The following POGLUT2 variants were observed in gnomAD, a reference collection of about 807,000 sequenced individuals.
POGLUT2 encodes protein O-glucosyltransferase 2.
POGLUT2 carries 47 observed loss-of-function variants against 57.6 expected under a neutral mutation model. The observed-to-expected ratio is 0.82, with a 90% CI of 0.65 to 1.04. The LOEUF (loss-of-function observed/expected upper bound fraction) is 1.04. Among genes scored for constraint, POGLUT2 ranks in the 50% least tolerant of loss-of-function variants. The pLI is 0.00. For synonymous variants in POGLUT2, 200 were observed against 218.8 expected (o/e 0.91, Z 0.76); for missense variants, 565 against 614.8 (o/e 0.92, Z 0.86).
intron 2 of POGLUT2, among the ~76,000 whole-genome samples, chr13:102,794,954 TTATTA>T (rs1370079403): frequency 6.7e-6 from 1 of 148,646 alleles, no homozygotes; most frequent in East Asian, 2.0e-4. Context: ...TTTTTAAGAA[TTATTA>T]AGGAGGAAAA....
At chr13:102,787,185 T>C (rs1877980960) in intron 8 of POGLUT2, among the ~76,000 whole-genome samples, 2 of 152,054 alleles carry the variant, frequency 1.3e-5, no homozygotes, top group Admixed American at 1.3e-4. Flanking sequence ...TAGCTGGGAT[T>C]ATAGGTGTGC....
At chr13:102,787,056 A>AT (rs1877975753) in intron 8 of POGLUT2, among the ~76,000 whole-genome samples, 1 of 146,168 alleles carries the variant, frequency 6.8e-6, no homozygotes. Context: ...TTGTTTGTTT[A>AT]TTTTTTTGAG....
At chr13:102,787,536 A>T (rs1251454280) in intron 8 of POGLUT2, among the ~76,000 whole-genome samples, 1 of 152,252 alleles carries the variant, frequency 6.6e-6, no homozygotes, top group Non-Finnish European at 1.5e-5. Context: ...TAACACAAAG[A>T]GAACATACAA....
intron 9 of POGLUT2, among the ~76,000 whole-genome samples, chr13:102,785,972 G>A (rs1480019008): frequency 2.0e-5 from 3 of 152,172 alleles, no homozygotes; most frequent in African/African-American, 4.8e-5. Context: ...AATAGGGTGT[G>A]AGCTGGATTC....
chr13:102,786,432 T>A, intron 8 of POGLUT2, 93 bp from the exon 9 acceptor site: 1 of 837,484 alleles, frequency 1.2e-6, no homozygotes, highest in Non-Finnish European at 2.0e-6. Flanking sequence ...ATGATTCATT[T>A]AACTCATGTG....
In POGLUT2 at chr13:102,793,333, A is replaced by G; in HGVS notation, c.672+8T>C. The G allele has an allele frequency of 7.0e-7, 1 of 1,434,460 alleles. No homozygotes were observed. 88.9% of individuals were successfully genotyped at this position (1,434,460 alleles called of 1,614,324 possible). On this transcript the variant is annotated splice_region_variant and intron_variant, in intron 4 of 9. Coordinates refer to ENST00000376004, the MANE Select transcript of POGLUT2 (RefSeq NM_024089.3). ...ATCTATTACAGCTAAGAGAAAATAT[A>G]TACTTACCTTTCTAGTCAAAGAAAG...
rs771056549 is a variant in POGLUT2 at position 102,796,802 on chromosome 13, A to G, written c.388+2T>C. 1.3e-6 allele frequency: 2 copies of G among 1,513,526 alleles called. No homozygotes were observed. Among genetic ancestry groups the G allele is most frequent in the Admixed American group, 3.4e-5 (2 of 59,362 alleles). 93.8% of individuals were successfully genotyped at this position (1,513,526 alleles called of 1,614,324 possible). ...CTGTTATAAAATTATATTCCAAATT[A>G]CCTTTTAAAATATATGGGGATTTGG... On this transcript the variant is annotated splice_donor_variant, in intron 2 of 9. Transcript: ENST00000376004. LOFTEE classifies it high-confidence loss of function.
chr13:102,788,767 C>T (rs1251406211), intron 7 of POGLUT2, among the ~76,000 whole-genome samples: 2 of 152,108 alleles, frequency 1.3e-5, no homozygotes, highest in African/African-American at 4.8e-5. Context: ...ATTACAGGCA[C>T]GAGCCACCGC....
chr13:102,787,837 GA>G lies in POGLUT2; in HGVS notation c.1379del (p.Phe460SerfsTer9). 1 of 1,539,142 alleles carries G rather than the reference GA, an allele frequency of 6.5e-7. No individual in the cohort carries two copies. The highest frequency in any genetic ancestry group is 8.9e-7 in the Non-Finnish European group (1 of 1,127,946). On this transcript the variant is annotated frameshift_variant, in exon 8 of 10. Transcript: ENST00000376004. LOFTEE classifies it high-confidence loss of function. ...DDIFCYYFKL[F>X]QEYANLQVSE... is the part of the protein sequence containing the mutation. ...GATTTTCTTGGAAAATACTGACCTG[GA>G]AAAGTTTGAAATAATAACAGAATAT... is the stretch of plus-strand genomic sequence containing the variant.
intron 2 of POGLUT2, among the ~76,000 whole-genome samples, chr13:102,796,300 AAAAAAAAAAAAAT>A (rs1209967733): frequency 7.2e-6 from 1 of 139,120 alleles, no homozygotes; most frequent in African/African-American, 2.9e-5. Context: ...CCTCAAAAAA[AAAAAAAAAAAAAT>A]AAATAAATAA....
At chr13:102,790,640 C>T (rs567599153) in intron 6 of POGLUT2, among the ~76,000 whole-genome samples, 1 of 152,302 alleles carries the variant, frequency 6.6e-6, no homozygotes, top group African/African-American at 2.4e-5. Context: ...ATGTGCTTAT[C>T]TCAAGGGTTA....
In POGLUT2 at chr13:102,787,868, T is replaced by A. The variant is rs757359037; in HGVS notation, c.1349A>T (p.Asp450Val). 14 of 1,595,516 alleles carry A rather than the reference T, an allele frequency of 8.8e-6. No homozygotes were observed. The highest frequency in any genetic ancestry group is 1.7e-4 in the Middle Eastern group (1 of 6,008). The change falls in exon 8 of 10, where the codon GAT becomes GTT. Residue 450 changes from aspartate to valine, a missense_variant. Physicochemically the swap from Asp to Val is radical, Grantham distance 152 (BLOSUM62 -3). Coordinates refer to ENST00000376004, the MANE Select transcript of POGLUT2 (RefSeq NM_024089.3). Reference protein sequence around the residue: ...QEFARNNLMGDDIFCYYFKLF... With the variant: ...QEFARNNLMGVDIFCYYFKLF... ...TTTGAAATAATAACAGAATATGTCA[T>A]CGCCCATGAGATTATTTCTTGCAAA...
In POGLUT2 at chr13:102,793,783, C is replaced by A. The variant is rs377039971; in HGVS notation, c.412G>T (p.Asp138Tyr). The A allele has an allele frequency of 5.6e-6, 9 of 1,614,188 alleles. No homozygotes were observed. The African/African-American group carries it at 1.2e-4, about 22-fold the overall frequency. The change falls in exon 3 of 10, where the codon GAC becomes TAC. Residue 138 changes from aspartate to tyrosine, a missense_variant. Transcript: ENST00000376004. Reference sequence around the variant, plus strand: ...GCTGCACTATCTTGCAGAGGACAGTCACAGTTCTCATGGTAAACCGGCCCT... The same window carrying A: ...GCTGCACTATCTTGCAGAGGACAGTAACAGTTCTCATGGTAAACCGGCCCT... The part of the protein sequence containing the change: ...LKGPVYHENC[D>Y]CPLQDSAAWL...
chr13:102,796,303 A>AG (rs1390541666), intron 2 of POGLUT2, among the ~76,000 whole-genome samples: 1 of 143,060 alleles, frequency 7.0e-6, no homozygotes, highest in East Asian at 2.1e-4. Flanking sequence ...CAAAAAAAAA[A>AG]AAAAAAAAAT....
intron 8 of POGLUT2, among the ~76,000 whole-genome samples, chr13:102,786,540 T>G (rs1269861401): frequency 4.6e-5 from 7 of 152,176 alleles, no homozygotes; most frequent in Admixed American, 1.3e-4. Context: ...ACTGGCTGCC[T>G]ATTCCTAACA....
intron 4 of POGLUT2, among the ~76,000 whole-genome samples, 164 bp from the exon 5 acceptor site, chr13:102,791,594 G>A (rs1408030156): frequency 6.6e-6 from 1 of 152,128 alleles, no homozygotes; most frequent in East Asian, 1.9e-4. Context: ...TCAGAATATG[G>A]TCACATGTAT....
At chr13:102,788,523 G>T (rs1878041454) in intron 7 of POGLUT2, among the ~76,000 whole-genome samples, 1 of 152,184 alleles carries the variant, frequency 6.6e-6, no homozygotes. Flanking sequence ...TTTTGCTCTT[G>T]TTGCCCAGGC....
At chr13:102,797,126 G>T in intron 1 of POGLUT2, 117 bp from the exon 2 acceptor site, 2 of 656,636 alleles carry the variant, frequency 3.0e-6, no homozygotes, top group Non-Finnish European at 5.3e-6. Flanking sequence ...TCTAACATAT[G>T]ATTGCTTCTT....
At chr13:102,789,473 GCT>G (rs1490217761) in intron 6 of POGLUT2, among the ~76,000 whole-genome samples, 5 of 152,188 alleles carry the variant, frequency 3.3e-5, no homozygotes, top group Admixed American at 6.5e-5. Flanking sequence ...CAATCATACT[GCT>G]GTCCTAAGGC....
Sources: allele counts gnomAD v4.1 joint callset (sites outside exome capture counted in the v4.1 genomes callset), GRCh38; gene constraint gnomAD v4.1.1; transcripts MANE v1.5; gene names NCBI Gene and HGNC (gene_info 2026-07-23, HGNC 2026-07-21).